Variants in LRP1B observed in about 807,000 individuals in gnomAD.
LRP1B encodes the protein low-density lipoprotein receptor-related protein 1B.
LRP1B carries 217 observed loss-of-function variants against 556.6 expected under a neutral mutation model. That is an observed-to-expected ratio of 0.39 (90% CI 0.35 to 0.44). LRP1B has a LOEUF of 0.44. Ranked by LOEUF, LRP1B falls within the 20% of genes least tolerant of loss-of-function variation. LRP1B has a pLI of 1.00. For synonymous variants in LRP1B, 2,047 were observed against 1,865.8 expected, an observed-to-expected ratio of 1.10 and a Z score of -2.50; for missense variants, 5,053 against 5,620.8, an observed-to-expected ratio of 0.90 and a Z score of 3.23.
chr2:141,169,334 AT>A (rs1680399079), intron 7 of LRP1B, among the ~76,000 whole-genome samples: 1 of 140,568 alleles, frequency 7.1e-6, no homozygotes, highest in African/African-American at 3.0e-5. Context: ...AAATAAATAA[AT>A]AAAGAAGAGA....
intron 5 of LRP1B, among the ~76,000 whole-genome samples, chr2:141,246,810 C>T (rs1240910790): frequency 1.3e-5 from 2 of 151,960 alleles, no homozygotes; most frequent in Admixed American, 1.3e-4. Flanking sequence ...ACTAAAAATG[C>T]AAAAATTAGC....
At chr2:140,829,774 C>T (rs1691651260) in intron 31 of LRP1B, among the ~76,000 whole-genome samples, 1 of 150,632 alleles carries the variant, frequency 6.6e-6, no homozygotes, top group Non-Finnish European at 1.5e-5. Context: ...GATAAGGATC[C>T]AAACAGAAAT....
chr2:140,581,060 G>A (rs1261548679), intron 43 of LRP1B, among the ~76,000 whole-genome samples: 1 of 152,170 alleles, frequency 6.6e-6, no homozygotes, highest in Non-Finnish European at 1.5e-5. Context: ...TATATCAGCA[G>A]GGTGAGTCCT....
chr2:141,336,531 T>G (rs962736830), intron 3 of LRP1B, among the ~76,000 whole-genome samples: 15 of 152,210 alleles, frequency 9.9e-5, no homozygotes, highest in African/African-American at 3.6e-4. Flanking sequence ...CTTACAATTT[T>G]TAACTGTTAT....
intron 43 of LRP1B, among the ~76,000 whole-genome samples, chr2:140,598,309 C>T (rs1682521042): frequency 6.6e-6 from 1 of 152,144 alleles, no homozygotes; most frequent in Non-Finnish European, 1.5e-5. Flanking sequence ...TTTTTAAAAA[C>T]TATACATAAC....
intron 76 of LRP1B, among the ~76,000 whole-genome samples, chr2:140,352,357 G>A (rs1441756674): frequency 6.6e-6 from 1 of 151,940 alleles, no homozygotes. Flanking sequence ...TGTAGTTTTA[G>A]TAGAGACGGG....
At chr2:140,885,452 G>T (rs764731778) in intron 24 of LRP1B, among the ~76,000 whole-genome samples, 1 of 150,826 alleles carries the variant, frequency 6.6e-6, no homozygotes, top group Non-Finnish European at 1.5e-5. Context: ...CCAGGTTCAC[G>T]CAATTCTCCT....
chr2:140,313,256 G>T (rs1684385011), intron 83 of LRP1B, among the ~76,000 whole-genome samples: 1 of 151,794 alleles, frequency 6.6e-6, no homozygotes, highest in Non-Finnish European at 1.5e-5. Flanking sequence ...TTACTAATGA[G>T]AACTAATTTA....
At chr2:140,323,213 T>C (rs1680251551) in intron 81 of LRP1B, among the ~76,000 whole-genome samples, 1 of 152,042 alleles carries the variant, frequency 6.6e-6, no homozygotes, top group Middle Eastern at 3.2e-3. Flanking sequence ...TTATTATTTT[T>C]CACTTTGTTG....
chr2:141,226,172 G>T (rs561424961), intron 6 of LRP1B, among the ~76,000 whole-genome samples: 2 of 151,662 alleles, frequency 1.3e-5, no homozygotes, highest in Admixed American at 1.3e-4. Context: ...TAGTCTTTCA[G>T]CATATTCAAT....
rs1454781063 is a variant in LRP1B, at chr2:141,008,641, C to T, written c.2381-3184G>A. Among the ~76,000 whole-genome samples, 3 of 151,758 alleles carry T rather than the reference C, an allele frequency of 2.0e-5. No individual in the cohort carries two copies. In the East Asian group the frequency reaches 5.8e-4, roughly 29 times the overall value. On this transcript the variant is annotated intron_variant, in intron 14 of 90. Coordinates refer to ENST00000389484, the MANE Select transcript of LRP1B (RefSeq NM_018557.3). ...GCTTTCATTATCTAGTTGAAGAAGG[C>T]CTTCTGGCTTCATCAAAAACTTTGT...
At chr2:140,370,525 A>T (rs981765421) in intron 71 of LRP1B, among the ~76,000 whole-genome samples, 185 bp downstream of exon 71, 1 of 151,906 alleles carries the variant, frequency 6.6e-6, no homozygotes. Flanking sequence ...TTGGGATTAT[A>T]CTCTGTCTGA....
intron 2 of LRP1B, among the ~76,000 whole-genome samples, chr2:141,498,449 A>T (rs1009908091): frequency 1.2e-4 from 18 of 149,878 alleles, no homozygotes; most frequent in African/African-American, 4.4e-4. Flanking sequence ...CATTTTTTTT[A>T]AATGTGAGTT....
chr2:140,512,935 T>C (rs1462390097), intron 51 of LRP1B, among the ~76,000 whole-genome samples: 1 of 152,114 alleles, frequency 6.6e-6, no homozygotes, highest in African/African-American at 2.4e-5. Context: ...TCAAGCTTGG[T>C]AGTTAGTACA....
intron 32 of LRP1B, among the ~76,000 whole-genome samples, chr2:140,786,964 A>T (rs1239510603): frequency 6.6e-6 from 1 of 152,204 alleles, no homozygotes; most frequent in African/African-American, 2.4e-5. Context: ...GGATATTTAG[A>T]AAATAAAATG....
intron 7 of LRP1B, among the ~76,000 whole-genome samples, chr2:141,065,449 C>T (rs756913068): frequency 7.9e-5 from 12 of 151,860 alleles, no homozygotes; most frequent in Non-Finnish European, 1.2e-4. Flanking sequence ...GAACATGATA[C>T]ATTGTGTTTA....
intron 1 of LRP1B, among the ~76,000 whole-genome samples, chr2:141,848,404 T>C (rs970460055): frequency 6.6e-6 from 1 of 151,358 alleles, no homozygotes; most frequent in Non-Finnish European, 1.5e-5. Flanking sequence ...GGGCATGCTA[T>C]ATATAGAAAA....
chr2:141,728,394 CA>C lies in LRP1B; in HGVS notation c.205+81884del, dbSNP rs1242473386. On this transcript the variant is annotated intron_variant, in intron 2 of 90. Coordinates refer to ENST00000389484, the MANE Select transcript of LRP1B (RefSeq NM_018557.3). ...TCCAACTGTGAGCCCTGACTTCAAT[CA>C]GGGGCCTCCACAAGCTCCTAATAAA... 2.6e-5 allele frequency among the ~76,000 whole-genome samples: 4 copies of C among 152,086 alleles called. No homozygotes were observed. The East Asian group carries it at 7.7e-4, about 29-fold the overall frequency.
intron 66 of LRP1B, among the ~76,000 whole-genome samples, chr2:140,387,421 T>TA (rs1243893889): frequency 1.3e-5 from 2 of 152,202 alleles, no homozygotes; most frequent in African/African-American, 4.8e-5. Context: ...AGTATTGTTA[T>TA]ATTTATTTAA....
Sources: allele counts gnomAD v4.1 joint callset (sites outside exome capture counted in the v4.1 genomes callset), GRCh38; gene constraint gnomAD v4.1.1; transcripts MANE v1.5; gene names NCBI Gene and HGNC (gene_info 2026-07-23, HGNC 2026-07-21).